The following DMD variants were observed in gnomAD, a reference collection of about 807,000 sequenced individuals.
The protein encoded by DMD is dystrophin, also known as mutant dystrophin.
DMD carries 63 observed loss-of-function variants against 330.1 expected under a neutral mutation model. The ratio of observed to expected loss-of-function variants is 0.19; its 90% CI spans 0.16 to 0.24. DMD has a LOEUF of 0.24. DMD is among the 10% of genes least tolerant of loss of function. The probability of loss-of-function intolerance (pLI) is 1.00; values close to 1 mark genes in which losing one functional copy is unlikely to be tolerated. For synonymous variants in DMD, 1,223 were observed against 959.8 expected (o/e 1.27, Z -5.07); for missense variants, 3,344 against 2,684.1 (o/e 1.25, Z -5.43).
intron 62 of DMD, among the ~76,000 whole-genome samples, chrX:31,307,453 C>A: frequency 9.0e-6 from 1 of 111,488 alleles, no homozygotes; most frequent in Non-Finnish European, 1.9e-5. Context: ...TATAATGATG[C>A]CTTTTGCTAC....
chrX:31,551,958 T>A (rs2074510936), intron 55 of DMD, among the ~76,000 whole-genome samples: 2 of 111,816 alleles, frequency 1.8e-5, no homozygotes, highest in African/African-American at 6.5e-5. Context: ...GAAAAAAAAA[T>A]CATTGGTGCC....
intron 2 of DMD, among the ~76,000 whole-genome samples, chrX:33,003,108 G>A (rs990611005): frequency 1.8e-5 from 2 of 109,615 alleles, no homozygotes; most frequent in African/African-American, 3.3e-5. Flanking sequence ...AGTATACACC[G>A]TACCCAATAT....
At chrX:31,599,053 G>A (rs769103172) in intron 55 of DMD, among the ~76,000 whole-genome samples, 1 of 111,762 alleles carries the variant, frequency 8.9e-6, no homozygotes, top group African/African-American at 3.2e-5. Flanking sequence ...AGATTTTCTG[G>A]AGTTATAAAA....
chrX:32,152,642 C>T (rs1318865097), intron 44 of DMD, among the ~76,000 whole-genome samples: 5 of 111,477 alleles, frequency 4.5e-5, no homozygotes, highest in Admixed American at 9.6e-5. Flanking sequence ...CTCCAGAGAG[C>T]GAAAGTGCCC....
intron 63 of DMD, among the ~76,000 whole-genome samples, chrX:31,242,555 G>A (rs771549381): frequency 9.0e-6 from 1 of 110,709 alleles, no homozygotes; most frequent in Non-Finnish European, 1.9e-5. Flanking sequence ...TGGTGTACAC[G>A]GTCTTGTAAC....
At chrX:31,852,121 G>A (rs2093538641) in intron 48 of DMD, among the ~76,000 whole-genome samples, 1 of 111,406 alleles carries the variant, frequency 9.0e-6, no homozygotes, top group South Asian at 3.8e-4. Context: ...GAAGGATCTT[G>A]GCTGTTATCC....
At chrX:31,490,271 G>A (rs1407456940) in intron 57 of DMD, among the ~76,000 whole-genome samples, 1 of 112,381 alleles carries the variant, frequency 8.9e-6, no homozygotes, top group Admixed American at 9.4e-5. Context: ...ATGTTAGAAT[G>A]AATCACTCTG....
chrX:31,951,149 A>G (rs1043075639), intron 45 of DMD, among the ~76,000 whole-genome samples: 25 of 74,368 alleles, frequency 3.4e-4, no homozygotes, highest in African/African-American at 1.4e-3. Flanking sequence ...ATGTGTATAT[A>G]TATATATATG....
At chrX:32,724,951 T>C (rs1426333048) in intron 7 of DMD, among the ~76,000 whole-genome samples, 1 of 111,762 alleles carries the variant, frequency 8.9e-6, no homozygotes, top group East Asian at 2.8e-4. Context: ...CAGAAAGCTC[T>C]AGTAAACATC....
At chrX:33,229,824 T>C (rs1603422053) in intron 1 of DMD, among the ~76,000 whole-genome samples, 1 of 112,381 alleles carries the variant, frequency 8.9e-6, no homozygotes, top group African/African-American at 3.2e-5. Flanking sequence ...TTAGTAGAAA[T>C]GGCATTAAAA....
At chrX:31,949,495 T>C (rs6631437) in intron 45 of DMD, among the ~76,000 whole-genome samples, 30,182 of 110,439 alleles carry the variant, frequency 0.27, 4,044 homozygotes, top group African/African-American at 0.51. Context: ...ATATTGATTA[T>C]CTTGCAAGCT....
chrX:33,082,566 A>G (rs909496691), intron 1 of DMD, among the ~76,000 whole-genome samples: 3 of 112,653 alleles, frequency 2.7e-5, no homozygotes, highest in African/African-American at 9.7e-5. Context: ...ACTGAGCTAT[A>G]TACAGCGTTG....
chrX:32,904,525 A>G (rs1208652694), intron 2 of DMD, among the ~76,000 whole-genome samples: 1 of 112,292 alleles, frequency 8.9e-6, no homozygotes, highest in Admixed American at 9.4e-5. Context: ...CTGAACTGAC[A>G]GACATTAGCA....
At chrX:33,081,975 T>C (rs1383990374) in intron 1 of DMD, among the ~76,000 whole-genome samples, 4 of 108,633 alleles carry the variant, frequency 3.7e-5, no homozygotes, top group South Asian at 3.9e-4. Context: ...TTTTTTTTTT[T>C]CCCTAAAACG....
chrX:32,092,854 T>C (rs1350381968), intron 44 of DMD, among the ~76,000 whole-genome samples: 11 of 103,308 alleles, frequency 1.1e-4, no homozygotes, highest in African/African-American at 3.6e-4. Context: ...AAATAAAACA[T>C]CAAGGTGTAA....
At chrX:32,671,431 A>G (rs1464182937) in intron 9 of DMD, among the ~76,000 whole-genome samples, 1 of 111,494 alleles carries the variant, frequency 9.0e-6, no homozygotes, top group Non-Finnish European at 1.9e-5. Context: ...GACCCTATAT[A>G]AATGTTATTT....
chrX:31,489,981 C>T (rs1472847500), intron 57 of DMD, among the ~76,000 whole-genome samples: 1 of 111,810 alleles, frequency 8.9e-6, no homozygotes, highest in Non-Finnish European at 1.9e-5. Flanking sequence ...TCCTAGATGA[C>T]TCAGTTCTTC....
At chrX:32,802,942 T>G (rs1211706789) in intron 7 of DMD, among the ~76,000 whole-genome samples, 2 of 111,763 alleles carry the variant, frequency 1.8e-5, no homozygotes, top group African/African-American at 6.5e-5. Flanking sequence ...TTTTATTGTG[T>G]CTCTGCCAGG....
chrX:33,339,341 A>C, exon 1 of DMD: 1 of 966,163 alleles, frequency 1.0e-6, no homozygotes, highest in Non-Finnish European at 1.4e-6. Flanking sequence ...GCAAAACAGC[A>C]TCTTTCTCCT....
Sources: allele counts gnomAD v4.1 joint callset (sites outside exome capture counted in the v4.1 genomes callset), GRCh38; gene constraint gnomAD v4.1.1; transcripts MANE v1.5; gene names NCBI Gene and HGNC (gene_info 2026-07-23, HGNC 2026-07-21).